The following ZNF407 variants were observed in gnomAD, a reference collection of about 807,000 sequenced individuals.
ZNF407 encodes the protein zinc finger protein 407.
A neutral mutation model predicts 131.2 loss-of-function variants in ZNF407; 17 were observed. The observed-to-expected ratio is 0.13, with a 90% CI of 0.09 to 0.19. The LOEUF (loss-of-function observed/expected upper bound fraction) is 0.19. Among genes scored for constraint, ZNF407 ranks in the 10% least tolerant of loss-of-function variants. The probability of loss-of-function intolerance (pLI) is 1.00; values close to 1 mark genes in which losing one functional copy is unlikely to be tolerated. For synonymous variants in ZNF407, 1,156 were observed against 1,062.0 expected, an observed-to-expected ratio of 1.09 and a Z score of -1.72; for missense variants, 2,681 against 2,830.6, an observed-to-expected ratio of 0.95 and a Z score of 1.20.
chr18:74,644,156 TACTTTC>T (rs1272114735), intron 3 of ZNF407, among the ~76,000 whole-genome samples: 1 of 151,748 alleles, frequency 6.6e-6, no homozygotes, highest in Non-Finnish European at 1.5e-5. Context: ...CCATTTATTT[TACTTTC>T]ACTTTTGGGG....
chr18:74,723,003 T>G (rs1968075203), intron 3 of ZNF407, among the ~76,000 whole-genome samples: 2 of 152,154 alleles, frequency 1.3e-5, no homozygotes. Context: ...TTTACCTTTT[T>G]TAGTCCATTT....
In ZNF407 at chr18:74,665,839, A is replaced by G. The variant is rs543166397; in HGVS notation, c.4802+24717A>G. 8.3e-4 allele frequency among the ~76,000 whole-genome samples: 126 copies of G among 152,228 alleles called. 2 individuals are homozygous for G. The Middle Eastern group carries it at 0.041, about 49-fold the overall frequency. ...GTAACAACTGTGTGACTTCTTATGT[A>G]TTAATCATTCACTTGGTTTTCTTCA... On this transcript the variant is annotated intron_variant, in intron 3 of 8. Coordinates refer to ENST00000299687, the MANE Select transcript of ZNF407 (RefSeq NM_017757.3).
chr18:74,686,781 T>A (rs1175682465), intron 3 of ZNF407, among the ~76,000 whole-genome samples: 3 of 152,210 alleles, frequency 2.0e-5, no homozygotes, highest in Non-Finnish European at 4.4e-5. Flanking sequence ...AAATGGTAGG[T>A]TAAACAAAGG....
intron 4 of ZNF407, among the ~76,000 whole-genome samples, chr18:74,798,103 T>A (rs1969954628): frequency 6.6e-6 from 1 of 152,000 alleles, no homozygotes; most frequent in Non-Finnish European, 1.5e-5. Context: ...TTTTCATGTC[T>A]GAATCATAAA....
chr18:74,844,529 T>C (rs180996793), intron 4 of ZNF407, among the ~76,000 whole-genome samples: 2 of 152,326 alleles, frequency 1.3e-5, no homozygotes, highest in East Asian at 3.9e-4. Flanking sequence ...GCTTTTTAAA[T>C]AGTAAGTTAA....
rs184688884 is a variant in ZNF407 at position 74,959,221 on chromosome 18, A to C, written c.5428+38529A>C. On this transcript the variant is annotated intron_variant, in intron 8 of 8. Transcript: ENST00000299687. ...CAGATAGATTTTCCATTTCAAAAGA[A>C]CTGTTCAAGATCGCAATACTTCACA... Among the ~76,000 whole-genome samples the C allele has an allele frequency of 8.5e-5, 13 of 152,352 alleles. No individual in the cohort carries two copies. The Middle Eastern group carries it at 0.014, about 159-fold the overall frequency.
intron 1 of ZNF407, among the ~76,000 whole-genome samples, chr18:74,598,854 G>T (rs1395841328): frequency 1.3e-5 from 2 of 152,236 alleles, no homozygotes; most frequent in East Asian, 3.8e-4. Context: ...ACCTCTGTCG[G>T]TTGCGCTGGG....
At chr18:74,917,856 TG>T (rs1475826254) in intron 7 of ZNF407, among the ~76,000 whole-genome samples, 7 of 152,224 alleles carry the variant, frequency 4.6e-5, no homozygotes, top group Non-Finnish European at 1.0e-4. Context: ...ATAATATTGG[TG>T]GTACCAAAGA....
chr18:74,632,839 T>A lies in ZNF407; in HGVS notation c.1820T>A (p.Met607Lys), dbSNP rs754695917. The A allele has an allele frequency of 6.2e-7, 1 of 1,613,822 alleles. No individual in the cohort carries two copies. Among genetic ancestry groups the A allele is most frequent in the South Asian group, 1.1e-5 (1 of 91,082 alleles). The change falls in exon 2 of 9, where the codon ATG (methionine) becomes AAG (lysine). Residue 607 changes from methionine to lysine, a missense_variant. By Grantham distance (95) the Met-to-Lys change is moderately conservative. Around this residue, in one of 6 missense-constraint regions of ZNF407, gnomAD observed 1,789 missense variants for 1,748.7 expected, o/e 1.02. Coordinates refer to ENST00000299687, the MANE Select transcript of ZNF407 (RefSeq NM_017757.3). ...GATGAAATAAATCTTAGAGACCACA[T>A]GAAGGAAAAGCACAATATGCATTTT... ...SLDEINLRDH[M>K]KEKHNMHFLC... is the part of the protein sequence containing the mutation.
chr18:74,684,563 C>G lies in ZNF407; in HGVS notation c.4802+43441C>G, dbSNP rs531091557. Among the ~76,000 whole-genome samples, 208 of 152,244 alleles carry G rather than the reference C, an allele frequency of 1.4e-3. 1 individual carries two copies. Among genetic ancestry groups the G allele is most frequent in the African/African-American group, 4.6e-3 (192 of 41,556 alleles). ...GTGGGAAACTTTGTTCTCTAAAGAGCGTTCTTTTTGAGATTTTACAGATTG... is the reference window on the plus strand; with the variant it reads ...GTGGGAAACTTTGTTCTCTAAAGAGGGTTCTTTTTGAGATTTTACAGATTG... On this transcript the variant is annotated intron_variant, in intron 3 of 8. Transcript: ENST00000299687.
chr18:75,041,291 C>G (rs991036836), intron 8 of ZNF407, among the ~76,000 whole-genome samples: 1 of 152,172 alleles, frequency 6.6e-6, no homozygotes, highest in African/African-American at 2.4e-5. Flanking sequence ...AGCCTTACCA[C>G]GTTCCTAAGT....
intron 4 of ZNF407, among the ~76,000 whole-genome samples, chr18:74,865,980 A>G (rs567168934): frequency 6.6e-6 from 1 of 152,340 alleles, no homozygotes; most frequent in African/African-American, 2.4e-5. Flanking sequence ...TTAACTACTT[A>G]TTCTCAGTTG....
chr18:74,955,450 A>G (rs1435357795), intron 8 of ZNF407, among the ~76,000 whole-genome samples: 2 of 152,182 alleles, frequency 1.3e-5, no homozygotes, highest in East Asian at 1.9e-4. Flanking sequence ...AGTAGCCAAC[A>G]GGGAGATGAA....
At chr18:74,930,092 A>G (rs753710899) in intron 8 of ZNF407, among the ~76,000 whole-genome samples, 1 of 152,130 alleles carries the variant, frequency 6.6e-6, no homozygotes, top group Non-Finnish European at 1.5e-5. Context: ...ATCCTCCTTC[A>G]TTCCCAGAAT....
At chr18:74,764,625 C>T (rs1010116741) in intron 3 of ZNF407, among the ~76,000 whole-genome samples, 5 of 152,188 alleles carry the variant, frequency 3.3e-5, no homozygotes, top group African/African-American at 1.2e-4. Flanking sequence ...TAGAGATGAT[C>T]TAAAGTATAT....
chr18:75,058,410 A>G (rs1175673550), intron 8 of ZNF407, among the ~76,000 whole-genome samples: 1 of 152,188 alleles, frequency 6.6e-6, no homozygotes, highest in Non-Finnish European at 1.5e-5. Context: ...GACTTTGTAG[A>G]TGGGCACGAG....
At chr18:74,683,017 A>G (rs944976772) in intron 3 of ZNF407, among the ~76,000 whole-genome samples, 2 of 152,266 alleles carry the variant, frequency 1.3e-5, no homozygotes, top group African/African-American at 2.4e-5. Flanking sequence ...CTGCCTGTTC[A>G]TTGGTTAGCT....
chr18:74,952,354 C>T (rs180866535), intron 8 of ZNF407, among the ~76,000 whole-genome samples: 2 of 152,282 alleles, frequency 1.3e-5, no homozygotes, highest in East Asian at 1.9e-4. Flanking sequence ...CCTGGTGCTG[C>T]GCTGTCATGC....
rs529134631 is a variant in ZNF407 at position 74,748,860 on chromosome 18, G to T, written c.4803-32568G>T. ...GACTTCTGAACTAGCTGACAGACAC[G>T]AAAGCCGTTGTGTCACTGTGTGTTA... On this transcript the variant is annotated intron_variant, in intron 3 of 8. Coordinates refer to ENST00000299687, the MANE Select transcript of ZNF407 (RefSeq NM_017757.3). Among the ~76,000 whole-genome samples, 4 of 152,226 alleles carry T rather than the reference G, an allele frequency of 2.6e-5. No homozygotes were observed. The South Asian group carries it at 8.3e-4, about 32-fold the overall frequency.
Sources: gnomAD v4.1 joint callset for allele counts (sites outside exome capture counted in the v4.1 genomes callset) on GRCh38, gnomAD v4.1.1 for gene constraint, gnomAD v4.1.1 regional missense constraint, MANE v1.5 for transcripts, NCBI Gene and HGNC (gene_info 2026-07-23, HGNC 2026-07-21) for gene names.